G6PD: variants seen among roughly 807,000 people sequenced by gnomAD.
G6PD encodes glucose-6-phosphate 1-dehydrogenase.
Under a neutral mutation model 38.2 loss-of-function variants are expected in G6PD, and 2 were observed. That is an observed-to-expected ratio of 0.05 (90% CI 0.02 to 0.16). G6PD has a LOEUF of 0.16. Ranked by LOEUF, G6PD falls within the 10% of genes least tolerant of loss-of-function variation. The probability of loss-of-function intolerance (pLI) is 1.00; values close to 1 mark genes in which losing one functional copy is unlikely to be tolerated. For missense variants in G6PD, 310 were observed against 471.6 expected (o/e 0.66, Z 3.17); for synonymous variants, 188 against 196.0 (o/e 0.96, Z 0.34).
chrX:154,545,048 T>G (rs906777247), intron 2 of G6PD, among the ~76,000 whole-genome samples: 2 of 111,492 alleles, frequency 1.8e-5, no homozygotes, highest in Non-Finnish European at 3.8e-5. Flanking sequence ...CACGTGTAAT[T>G]TGAGATGAAG....
chrX:154,532,732 A>G lies in G6PD; in HGVS notation c.1122T>C (p.His374=), dbSNP rs2070354378. ...GGTGGAAGATGTCGCCGGCCACATCATGGAACTGCAGCCTCACCTCGGCCT... is the reference window on the plus strand; with the variant it reads ...GGTGGAAGATGTCGCCGGCCACATCGTGGAACTGCAGCCTCACCTCGGCCT... ...ERKAEVRLQF[H]DVAGDIFHQQ... The change falls in exon 10 of 13, where the codon CAT becomes CAC. Residue 374 remains histidine (H), a synonymous_variant. Transcript: ENST00000393562. 8.3e-7 allele frequency: 1 copy of G among 1,211,826 alleles called. No individual in the cohort carries two copies. The highest frequency in any genetic ancestry group is 1.1e-6 in the Non-Finnish European group (1 of 895,465).
In G6PD at chrX:154,532,245, G is replaced by T; in HGVS notation, c.1400C>A (p.Pro467Gln). 2 of 1,211,813 alleles carry T rather than the reference G, an allele frequency of 1.7e-6. No individual in the cohort carries two copies. Among genetic ancestry groups the T allele is most frequent in the South Asian group, 1.8e-5 (1 of 57,022 alleles). Residue 467 changes from proline to glutamine, a missense_variant, in exon 12 of 13, where the codon CCA becomes CAA. Transcript: ENST00000393562. ...CTCCAGCTCAATCTGGTGCAGCAGT[G>T]GGGTGAAAATACGCCAGGCCTCACG... Reference protein sequence around the residue: ...ELREAWRIFTPLLHQIELEKP... With the variant: ...ELREAWRIFTQLLHQIELEKP...
intron 4 of G6PD, 90 bp from the exon 5 acceptor site, chrX:154,535,475 T>C: frequency 1.2e-6 from 1 of 862,998 alleles, no homozygotes; most frequent in Non-Finnish European, 1.7e-6. Context: ...GTGGAGGGTC[T>C]TCCCTGGAGG....
chrX:154,532,806 C>T lies in G6PD; in HGVS notation c.1052-4G>A, dbSNP rs372124193. 3.1e-4 allele frequency: 370 copies of T among 1,206,290 alleles called. No homozygotes were observed. The highest frequency in any genetic ancestry group is 4.9e-4 in the African/African-American group (28 of 57,237). On this transcript the variant is annotated splice_polypyrimidine_tract_variant and splice_region_variant and intron_variant, in intron 9 of 12. Transcript: ENST00000393562. Reference sequence around the variant, plus strand: ...CAGCGCAGGATGAAGGGCACCCCTACGTGGCGGAAAGGGCAGCCTCAGCAC... The same window carrying T: ...CAGCGCAGGATGAAGGGCACCCCTATGTGGCGGAAAGGGCAGCCTCAGCAC...
upstream of G6PD, chrX:154,547,208 C>G (rs2070764028): frequency 2.2e-6 from 1 of 464,885 alleles, no homozygotes; most frequent in Non-Finnish European, 2.7e-6. Context: ...TCGCGGAGGG[C>G]TCCACTTCCG....
chrX:154,538,465 C>T (rs782386742), intron 2 of G6PD, among the ~76,000 whole-genome samples: 2 of 111,755 alleles, frequency 1.8e-5, no homozygotes, highest in South Asian at 3.6e-4. Context: ...TTAAAAAAAA[C>T]CTCTAAGAAC....
chrX:154,535,658 C>T, intron 4 of G6PD: 17 of 448,948 alleles, frequency 3.8e-5, no homozygotes, highest in Non-Finnish European at 6.2e-5. Flanking sequence ...ATATTTTGAC[C>T]TGGGAGAAAT....
Position 154,533,065 on chromosome X carries a change from C to G in G6PD, c.928G>C (p.Gly310Arg), listed in dbSNP as rs1569556206. The G allele has an allele frequency of 1.7e-6, 2 of 1,211,190 alleles. No individual in the cohort carries two copies. The highest frequency in any genetic ancestry group is 2.2e-5 in the Admixed American group (1 of 46,045). Residue 310 changes from glycine to arginine, a missense_variant, in exon 9 of 13, where the codon GGG becomes CGG. Physicochemically the swap from Gly to Arg is moderately radical, Grantham distance 125. Around this residue, in one of 4 missense-constraint regions of G6PD, gnomAD observed 168 missense variants for 309.2 expected, o/e 0.54. Coordinates refer to ENST00000393562, the MANE Select transcript of G6PD (RefSeq NM_001360016.2). ...GCCTCGCCCTCTCCATCGGGGTTCC[C>G]CACGTACTGGCCCAGGACCACATTG... ...ANNVVLGQYV[G>R]NPDGEGEATK...
intron 2 of G6PD, among the ~76,000 whole-genome samples, chrX:154,544,347 A>G (rs1441496712): frequency 1.8e-5 from 2 of 110,227 alleles, no homozygotes; most frequent in Admixed American, 1.9e-4. Context: ...TTTTTAGTAG[A>G]GATGGGGTTT....
At position 154,545,890 on chromosome X, in the gene G6PD, C is replaced by G; in HGVS notation, c.120+146G>C. The G allele has an allele frequency of 7.0e-6, 5 of 715,523 alleles. No individual in the cohort carries two copies. In the Admixed American group the frequency reaches 1.2e-4, roughly 18 times the overall value. The allele number at this position is 715,523 out of a possible 1,213,427, so 59.0% of individuals were successfully genotyped here. A position where few individuals can be genotyped will look rare whatever the true frequency, so the allele number is the denominator to read the frequency against. On this transcript the variant is annotated intron_variant, in intron 2 of 12. Transcript: ENST00000393562. ...AGTGCATATGCACACCAGGTAGAGCCGGGATGATCCTGGCGCACTAGCAGG... is the reference window on the plus strand; with the variant it reads ...AGTGCATATGCACACCAGGTAGAGCGGGGATGATCCTGGCGCACTAGCAGG...
chrX:154,540,702 C>A (rs1557231673), intron 2 of G6PD, among the ~76,000 whole-genome samples: 1 of 110,074 alleles, frequency 9.1e-6, no homozygotes. Flanking sequence ...TGGATGGGTC[C>A]ATTTCTACAA....
intron 2 of G6PD, among the ~76,000 whole-genome samples, chrX:154,543,428 T>C (rs1557232445): frequency 9.0e-6 from 1 of 111,700 alleles, no homozygotes; most frequent in Non-Finnish European, 1.9e-5. Flanking sequence ...AATGCTGAGG[T>C]TCAGGAAAAG....
At position 154,531,796 on chromosome X, in the gene G6PD, G is replaced by A. The variant is rs2070338210; in HGVS notation, c.*204C>T. On this transcript the variant is annotated 3_prime_UTR_variant, in exon 13 of 13. Coordinates refer to ENST00000393562, the MANE Select transcript of G6PD (RefSeq NM_001360016.2). The stretch of plus-strand genomic sequence containing the variant: ...TCCTGGGCTCAGGCAGGGTCTGGAG[G>A]GGCCAGGATGGTCTCGAGTGCTTGG... The A allele has an allele frequency of 1.6e-5, 9 of 576,910 alleles. No homozygotes were observed. The highest frequency in any genetic ancestry group is 3.3e-4 in the Middle Eastern group (1 of 2,998). The allele number at this position is 576,910 out of a possible 1,213,427, so 47.5% of individuals were successfully genotyped here. A position where few individuals can be genotyped will look rare whatever the true frequency, so the allele number is the denominator to read the frequency against.
At chrX:154,545,012 C>A (rs1367265599) in intron 2 of G6PD, among the ~76,000 whole-genome samples, 10 of 111,593 alleles carry the variant, frequency 9.0e-5, no homozygotes, top group Admixed American at 9.5e-5. Flanking sequence ...TTGAGTGCAT[C>A]CAGGGTTAAA....
upstream of G6PD, chrX:154,546,899 T>G (rs1182767050): frequency 1.1e-6 from 1 of 884,089 alleles, no homozygotes. Flanking sequence ...GGCGGGCGCC[T>G]GGGCTGAGCG....
At chrX:154,546,336 G>C (rs1285903964) in intron 1 of G6PD, 173 bp from the exon 2 acceptor site, 2 of 583,969 alleles carry the variant, frequency 3.4e-6, no homozygotes, top group Non-Finnish European at 5.5e-6. Context: ...GAAACTGCTG[G>C]CTCTGGGCTC....
In G6PD at chrX:154,545,735, T is replaced by C. The variant is rs1477526493; in HGVS notation, c.120+301A>G. 8 of 271,910 alleles carry C rather than the reference T, an allele frequency of 2.9e-5. No homozygotes were observed. The East Asian group carries it at 6.9e-4, about 23-fold the overall frequency. The allele number at this position is 271,910 out of a possible 1,213,427, so 22.4% of individuals were successfully genotyped here. A position where few individuals can be genotyped will look rare whatever the true frequency, so the allele number is the denominator to read the frequency against. ...CTGTAATCTCAGCTACTTGGGGGGC[T>C]GAGGCAGGAGAATCGCTTGAACCCA... On this transcript the variant is annotated intron_variant, in intron 2 of 12. Coordinates refer to ENST00000393562, the MANE Select transcript of G6PD (RefSeq NM_001360016.2).
intron 2 of G6PD, among the ~76,000 whole-genome samples, chrX:154,536,526 G>A (rs1012239288): frequency 8.9e-6 from 1 of 112,522 alleles, no homozygotes; most frequent in Non-Finnish European, 1.9e-5. Context: ...AAGGAGCTAA[G>A]CATTCCACTT....
At chrX:154,533,541 G>C (rs1427949795) in intron 8 of G6PD, 35 bp downstream of exon 8, 3 of 1,204,579 alleles carry the variant, frequency 2.5e-6, no homozygotes, top group Admixed American at 4.4e-5. Flanking sequence ...GCCTGCGACA[G>C]GGCATGCTCC....
Sources: allele counts gnomAD v4.1 joint callset (sites outside exome capture counted in the v4.1 genomes callset), GRCh38; gene constraint gnomAD v4.1.1; regional missense constraint gnomAD v4.1.1; transcripts MANE v1.5; gene names NCBI Gene and HGNC (gene_info 2026-07-23, HGNC 2026-07-21).